Variants in GRID2 observed in about 807,000 individuals in gnomAD.
The protein encoded by GRID2 is glutamate ionotropic receptor delta type subunit 2.
GRID2 carries 33 observed loss-of-function variants against 114.8 expected under a neutral mutation model. The observed-to-expected ratio is 0.29, with a 90% confidence interval of 0.22 to 0.38. The LOEUF (loss-of-function observed/expected upper bound fraction) is 0.38. Among genes scored for constraint, GRID2 ranks in the 10% least tolerant of loss-of-function variants. GRID2 has a pLI of 1.00. For synonymous variants in GRID2, 505 were observed against 449.9 expected (o/e 1.12, Z -1.55); for missense variants, 1,184 against 1,257.7 (o/e 0.94, Z 0.89).
chr4:93,675,848 G>C (rs914928435), intron 14 of GRID2, among the ~76,000 whole-genome samples: 3 of 152,250 alleles, frequency 2.0e-5, no homozygotes, highest in Admixed American at 1.3e-4. Flanking sequence ...GCATTATAGT[G>C]TAAGGAATAA....
intron 2 of GRID2, among the ~76,000 whole-genome samples, chr4:92,975,338 C>G (rs867691300): frequency 6.6e-6 from 1 of 151,776 alleles, no homozygotes; most frequent in Non-Finnish European, 1.5e-5. Context: ...TGGGATACTT[C>G]TAGTAGGCAA....
chr4:93,472,092 A>G (rs1381427663), intron 11 of GRID2, among the ~76,000 whole-genome samples: 4 of 151,112 alleles, frequency 2.6e-5, no homozygotes, highest in Admixed American at 1.3e-4. Context: ...TGGGAGACTG[A>G]GGCGGGCGGA....
At chr4:93,686,403 C>A (rs1369737983) in intron 14 of GRID2, among the ~76,000 whole-genome samples, 2 of 151,950 alleles carry the variant, frequency 1.3e-5, no homozygotes, top group Non-Finnish European at 2.9e-5. Flanking sequence ...CCTACCTCTG[C>A]AGTCCAACTG....
At chr4:93,288,568 T>G (rs1368727) in intron 8 of GRID2, among the ~76,000 whole-genome samples, 81,900 of 151,528 alleles carry the variant, frequency 0.54, 23,255 homozygotes, top group Middle Eastern at 0.73. Context: ...CCAAAGAGAA[T>G]TGGCTTGCTA....
chr4:92,394,621 A>G (rs1322735508), intron 1 of GRID2, among the ~76,000 whole-genome samples: 2 of 152,004 alleles, frequency 1.3e-5, no homozygotes, highest in Non-Finnish European at 2.9e-5. Context: ...ACAAAGCCCA[A>G]TTAAACATAA....
chr4:93,097,227 A>G (rs553275148), intron 3 of GRID2, among the ~76,000 whole-genome samples: 3 of 152,002 alleles, frequency 2.0e-5, no homozygotes, highest in Non-Finnish European at 4.4e-5. Flanking sequence ...GTGGAATACA[A>G]TAAACAATCT....
intron 8 of GRID2, among the ~76,000 whole-genome samples, chr4:93,372,676 G>A (rs979133344): frequency 6.6e-6 from 1 of 151,864 alleles, no homozygotes; most frequent in Non-Finnish European, 1.5e-5. Flanking sequence ...TTTCCACTCG[G>A]CATCCAAACT....
intron 2 of GRID2, among the ~76,000 whole-genome samples, chr4:92,823,775 A>C (rs1242436107): frequency 6.6e-6 from 1 of 152,092 alleles, no homozygotes; most frequent in Non-Finnish European, 1.5e-5. Flanking sequence ...TTGTTTATTT[A>C]TCTTACCATG....
At chr4:92,544,033 C>T (rs927681530) in intron 1 of GRID2, among the ~76,000 whole-genome samples, 3 of 152,084 alleles carry the variant, frequency 2.0e-5, no homozygotes, top group Non-Finnish European at 4.4e-5. Flanking sequence ...TTGCCAAATA[C>T]TAGTCATGAC....
At chr4:92,346,026 A>C (rs1248356406) in intron 1 of GRID2, among the ~76,000 whole-genome samples, 1 of 152,218 alleles carries the variant, frequency 6.6e-6, no homozygotes, top group Non-Finnish European at 1.5e-5. Context: ...CGTGTCAAAA[A>C]GCATAATCTG....
At chr4:92,434,739 T>C (rs570379494) in intron 1 of GRID2, among the ~76,000 whole-genome samples, 1 of 152,208 alleles carries the variant, frequency 6.6e-6, no homozygotes, top group African/African-American at 2.4e-5. Flanking sequence ...TTTCTAATAA[T>C]ACAAATTTTT....
At chr4:92,725,536 ACT>A (rs1219173495) in intron 2 of GRID2, among the ~76,000 whole-genome samples, 2 of 152,130 alleles carry the variant, frequency 1.3e-5, no homozygotes, top group African/African-American at 2.4e-5. Flanking sequence ...CTTACTGAAA[ACT>A]CTGCTTTTCA....
chr4:92,314,095 T>TTTTTTC (rs989670615), intron 1 of GRID2, among the ~76,000 whole-genome samples: 8 of 152,220 alleles, frequency 5.3e-5, no homozygotes, highest in African/African-American at 9.6e-5. Flanking sequence ...AAATCTGTTT[T>TTTTTTC]TTTTTCTTTT....
At chr4:92,697,393 A>C (rs1167025369) in intron 2 of GRID2, among the ~76,000 whole-genome samples, 1 of 152,164 alleles carries the variant, frequency 6.6e-6, no homozygotes, top group Non-Finnish European at 1.5e-5. Context: ...ATTCAAGCTA[A>C]GGGTTTGAGT....
chr4:92,864,793 AC>A (rs1744752396), intron 2 of GRID2, among the ~76,000 whole-genome samples: 3 of 152,192 alleles, frequency 2.0e-5, no homozygotes, highest in African/African-American at 7.2e-5. Context: ...TAATGGTAGT[AC>A]CTGGATAAAC....
intron 10 of GRID2, among the ~76,000 whole-genome samples, chr4:93,447,257 A>G (rs915043053): frequency 3.9e-5 from 6 of 152,014 alleles, no homozygotes; most frequent in Non-Finnish European, 8.8e-5. Context: ...CTACTTAATT[A>G]CTAAATTAAA....
intron 8 of GRID2, among the ~76,000 whole-genome samples, chr4:93,270,150 A>T (rs1465288581): frequency 6.6e-6 from 1 of 151,874 alleles, no homozygotes; most frequent in Non-Finnish European, 1.5e-5. Context: ...CAGCTATAAA[A>T]TCATCATAGT....
chr4:92,425,800 T>C (rs1732132549), intron 1 of GRID2, among the ~76,000 whole-genome samples: 1 of 152,128 alleles, frequency 6.6e-6, no homozygotes, highest in African/African-American at 2.4e-5. Context: ...TTTAATAATT[T>C]ATGAAAGAGA....
intron 14 of GRID2, among the ~76,000 whole-genome samples, chr4:93,656,755 G>T (rs1419959895): frequency 7.8e-6 from 1 of 128,726 alleles, no homozygotes; most frequent in African/African-American, 2.7e-5. Context: ...CCGTGAACCC[G>T]GGAGGCAGAG....
Sources: allele counts gnomAD v4.1 joint callset (sites outside exome capture counted in the v4.1 genomes callset), GRCh38; gene constraint gnomAD v4.1.1; transcripts MANE v1.5; gene names NCBI Gene and HGNC (gene_info 2026-07-23, HGNC 2026-07-21).